Variants in NUP153 observed in about 807,000 individuals in gnomAD.
The protein encoded by NUP153 is nuclear pore complex protein Nup153.
A neutral mutation model predicts 134.6 loss-of-function variants in NUP153; 27 were observed. The observed-to-expected ratio is 0.20, with a 90% CI of 0.15 to 0.28. NUP153 has a LOEUF of 0.28. NUP153 is among the 10% of genes least tolerant of loss of function. The pLI is 1.00. For missense variants in NUP153, 1,821 were observed against 1,731.3 expected (o/e 1.05, Z -0.92); for synonymous variants, 640 against 623.5 (o/e 1.03, Z -0.40).
chr6:17,618,701 G>A (rs940236456), intron 20 of NUP153, among the ~76,000 whole-genome samples: 6 of 152,034 alleles, frequency 3.9e-5, no homozygotes, highest in South Asian at 2.1e-4. Flanking sequence ...GAGTAGCTGG[G>A]ACTACAGGCG....
intron 20 of NUP153, among the ~76,000 whole-genome samples, chr6:17,623,215 A>G (rs1439111429): frequency 6.6e-6 from 1 of 152,024 alleles, no homozygotes; most frequent in Non-Finnish European, 1.5e-5. Flanking sequence ...ATATTAGAGG[A>G]AAAAATCCTG....
At chr6:17,694,516 G>A (rs1045715382) in intron 1 of NUP153, among the ~76,000 whole-genome samples, 1 of 150,994 alleles carries the variant, frequency 6.6e-6, no homozygotes, top group African/African-American at 2.4e-5. Context: ...AATTCAGCTG[G>A]GCATGATGGT....
chr6:17,697,520 C>T (rs557184603), intron 1 of NUP153, among the ~76,000 whole-genome samples: 1 of 152,200 alleles, frequency 6.6e-6, no homozygotes, highest in East Asian at 1.9e-4. Flanking sequence ...ACCCTGTCTC[C>T]ATTAAAAAAT....
At chr6:17,653,727 G>A (rs1259428826) in intron 11 of NUP153, among the ~76,000 whole-genome samples, 5 of 152,132 alleles carry the variant, frequency 3.3e-5, no homozygotes, top group Non-Finnish European at 7.3e-5. Context: ...TTGCCTCTGG[G>A]GTAGGAGGTG....
chr6:17,646,884 C>T (rs987640282), intron 13 of NUP153, among the ~76,000 whole-genome samples: 5 of 150,670 alleles, frequency 3.3e-5, no homozygotes, highest in African/African-American at 9.7e-5. Flanking sequence ...GGATTATAGG[C>T]GTGCACCACC....
chr6:17,696,008 CAA>C (rs113118202), intron 1 of NUP153, among the ~76,000 whole-genome samples: 1 of 134,276 alleles, frequency 7.4e-6, no homozygotes. Flanking sequence ...GACTCCGTCT[CAA>C]AAAAAAAAAC....
chr6:17,669,922 C>G (rs1383526611), intron 5 of NUP153, among the ~76,000 whole-genome samples: 2 of 151,588 alleles, frequency 1.3e-5, no homozygotes, highest in Non-Finnish European at 2.9e-5. Flanking sequence ...TGGTGAAACC[C>G]CATCTGTATT....
intron 11 of NUP153, chr6:17,651,696 G>GA (rs1554140205): frequency 5.2e-6 from 2 of 385,016 alleles, no homozygotes; most frequent in Non-Finnish European, 9.2e-6. Context: ...ATTTCCAAAA[G>GA]TTTTTTTTAA....
Position 17,669,496 on chromosome 6 carries a change from G to A in NUP153, c.903C>T (p.Tyr301=), listed in dbSNP as rs9477504. The A allele has an allele frequency of 2.0e-4, 325 of 1,614,038 alleles. 1 individual carries two copies. In the African/African-American group the frequency reaches 3.4e-3, roughly 17 times the overall value. ...GCCGAGCTGTTGAACTGGTCACACC[G>A]TAAGATTGTGCACTGAGTTGCTTAG... ...MKAKQLSAQS[Y]GVTSSTARRI... Residue 301 remains tyrosine, a synonymous_variant, in exon 6 of 22, where the codon TAC becomes TAT. Coordinates refer to ENST00000262077, the MANE Select transcript of NUP153 (RefSeq NM_005124.4).
At position 17,675,243 on chromosome 6, in the gene NUP153, C is replaced by T; in HGVS notation, c.709G>A (p.Gly237Arg). 1 of 1,613,918 alleles carries T rather than the reference C, an allele frequency of 6.2e-7. No homozygotes were observed. Among genetic ancestry groups the T allele is most frequent in the African/African-American group, 1.3e-5 (1 of 74,986 alleles). ...TTAGTACTCACAGGGGAAAGTGTTC[C>T]AAAGGCAGACAAGTTGAATGCTGGT... ...KKPAFNLSAF[G>R]TLSPSLGNSS... Residue 237 changes from glycine to arginine, a missense_variant, in exon 4 of 22, where the codon GGA becomes AGA. By Grantham distance (125) the Gly-to-Arg change is moderately radical. Transcript: ENST00000262077. This position sits in a 1 kb window ranked among gnomAD's most constrained non-coding sequence, Gnocchi z 4.4.
intron 2 of NUP153, among the ~76,000 whole-genome samples, chr6:17,687,798 C>T (rs146765927): frequency 3.4e-4 from 52 of 152,150 alleles, no homozygotes; most frequent in African/African-American, 1.1e-3. Flanking sequence ...TGGGCTTCAT[C>T]GAAATTTAAA....
intron 5 of NUP153, among the ~76,000 whole-genome samples, chr6:17,673,006 G>A (rs888763603): frequency 2.0e-5 from 3 of 151,920 alleles, no homozygotes; most frequent in Admixed American, 6.6e-5. Flanking sequence ...TCTCAGATAC[G>A]ACACCAAAAG....
chr6:17,620,121 A>G (rs1042376048), intron 20 of NUP153, among the ~76,000 whole-genome samples: 1 of 140,190 alleles, frequency 7.1e-6, no homozygotes, highest in Non-Finnish European at 1.6e-5. Flanking sequence ...AAAAAAAAAA[A>G]GGAAGGGAGG....
rs761517062 is a variant in NUP153 at position 17,628,997 on chromosome 6, A to G, written c.3202T>C (p.Ser1068Pro). The change falls in exon 18 of 22, where the codon TCA becomes CCA. Residue 1068 changes from serine to proline, a missense_variant. Ser to Pro is a moderately conservative substitution (Grantham distance 74). Transcript: ENST00000262077. This position sits in a 1 kb window ranked among gnomAD's most constrained non-coding sequence, Gnocchi z 5.4. ...ASVAPFTCKT[S>P]EAKKEEMPAT... Reference sequence around the variant, plus strand: ...GGCATTTCTTCTTTTTTAGCTTCTGATGTCTTACATGTGAAAGGAGCCACT... The same window carrying G: ...GGCATTTCTTCTTTTTTAGCTTCTGGTGTCTTACATGTGAAAGGAGCCACT... The G allele has an allele frequency of 6.2e-7, 1 of 1,614,090 alleles. No homozygotes were observed. The highest frequency in any genetic ancestry group is 8.5e-7 in the Non-Finnish European group (1 of 1,180,022).
intron 14 of NUP153, among the ~76,000 whole-genome samples, chr6:17,641,800 C>G (rs936771440): frequency 6.6e-6 from 1 of 151,260 alleles, no homozygotes. Flanking sequence ...TGCAGTGAAA[C>G]GAGCTTGCAC....
Position 17,616,693 on chromosome 6 carries a change from A to G in NUP153, c.4177T>C (p.Ser1393Pro). The change falls in exon 21 of 22, where the codon TCG becomes CCG. Residue 1393 changes from serine (S) to proline (P), a missense_variant and splice_region_variant. Ser to Pro is a moderately conservative substitution (Grantham distance 74). Coordinates refer to ENST00000262077, the MANE Select transcript of NUP153 (RefSeq NM_005124.4). ...GTGCTGCTGCCAAACTGGAAAGCCG[A>G]ACCTGCAATAGTTAAAGCAGAAATA... is the stretch of plus-strand genomic sequence containing the variant. ...FGSGTTPNSS[S>P]AFQFGSSTTN... 5.0e-6 allele frequency: 8 copies of G among 1,611,374 alleles called. No individual in the cohort carries two copies. Among genetic ancestry groups the G allele is most frequent in the Non-Finnish European group, 6.8e-6 (8 of 1,178,238 alleles).
chr6:17,653,734 G>C (rs1766639704), intron 11 of NUP153, among the ~76,000 whole-genome samples: 1 of 152,192 alleles, frequency 6.6e-6, no homozygotes, highest in Non-Finnish European at 1.5e-5. Flanking sequence ...TGGGGTAGGA[G>C]GTGACGGCAA....
chr6:17,617,716 G>A (rs138964143), intron 20 of NUP153, among the ~76,000 whole-genome samples: 1,667 of 152,098 alleles, frequency 0.011, 34 homozygotes, highest in African/African-American at 0.037. Flanking sequence ...GTAGTGGCGT[G>A]CACCTGTAAT....
At chr6:17,640,903 A>AT (rs1381634495) in intron 14 of NUP153, among the ~76,000 whole-genome samples, 1 of 152,136 alleles carries the variant, frequency 6.6e-6, no homozygotes, top group Non-Finnish European at 1.5e-5. Flanking sequence ...CATTACTGGC[A>AT]TGAGTCATCA....
Sources: allele counts gnomAD v4.1 joint callset (sites outside exome capture counted in the v4.1 genomes callset), GRCh38; gene constraint gnomAD v4.1.1; non-coding constraint Gnocchi (gnomAD v3.1); transcripts MANE v1.5; gene names NCBI Gene and HGNC (gene_info 2026-07-23, HGNC 2026-07-21).